Variants in CACNB2 observed in about 807,000 individuals in gnomAD.
CACNB2 encodes the protein voltage-dependent L-type calcium channel subunit beta-2.
In CACNB2, 42 loss-of-function variants were observed where a neutral mutation model predicts 73.3. That is an observed-to-expected ratio of 0.57 (90% CI 0.45 to 0.74). CACNB2 has a LOEUF of 0.74. Ranked by LOEUF, CACNB2 falls within the 30% of genes least tolerant of loss-of-function variation. The probability of loss-of-function intolerance (pLI) is 0.00; values close to 1 mark genes in which losing one functional copy is unlikely to be tolerated. For missense variants in CACNB2, 940 were observed against 853.0 expected, an observed-to-expected ratio of 1.10 and a Z score of -1.27; for synonymous variants, 348 against 310.3, an observed-to-expected ratio of 1.12 and a Z score of -1.28.
intron 2 of CACNB2, among the ~76,000 whole-genome samples, chr10:18,171,521 GAAAAAAAAAAAAAAA>G (rs370201485): frequency 0.057 from 1,867 of 32,624 alleles, 110 homozygotes; most frequent in African/African-American, 0.18. Context: ...TTTGATAGCA[GAAAAAAAAAAAAAAA>G]AAAAAAAAAA....
intron 3 of CACNB2, among the ~76,000 whole-genome samples, chr10:18,485,582 G>A (rs1475293930): frequency 1.3e-4 from 17 of 127,956 alleles, no homozygotes; most frequent in African/African-American, 5.1e-4. Context: ...TTTTTTCTGA[G>A]ATGGAGCCTC....
At chr10:18,404,972 C>T (rs560989460) in intron 3 of CACNB2, among the ~76,000 whole-genome samples, 1 of 152,202 alleles carries the variant, frequency 6.6e-6, no homozygotes, top group Non-Finnish European at 1.5e-5. Flanking sequence ...TTTCTGGTTC[C>T]AAATGTGTGT....
At chr10:18,216,133 TAAAA>T (rs5783587) in intron 2 of CACNB2, among the ~76,000 whole-genome samples, 3 of 144,764 alleles carry the variant, frequency 2.1e-5, no homozygotes, top group Non-Finnish European at 4.5e-5. Context: ...CCGTCTCAAC[TAAAA>T]AAAAAAAAAA....
At chr10:18,218,548 T>C (rs1294547294) in intron 2 of CACNB2, among the ~76,000 whole-genome samples, 2 of 152,216 alleles carry the variant, frequency 1.3e-5, no homozygotes, top group Non-Finnish European at 2.9e-5. Context: ...TGTGTGCATG[T>C]AGGTACCTTA....
At position 18,456,655 on chromosome 10, in the gene CACNB2, C is replaced by T. The variant is rs562072734; in HGVS notation, c.334-41700C>T. 2.6e-5 allele frequency among the ~76,000 whole-genome samples: 4 copies of T among 152,204 alleles called. No individual in the cohort carries two copies. The East Asian group carries it at 7.7e-4, about 29-fold the overall frequency. ...CACAGATCCAAACTGTATCACTTTC[C>T]ATTCCTCCAGGCCTAGCAACCACTA... On this transcript the variant is annotated intron_variant, in intron 3 of 13. Transcript: ENST00000324631.
chr10:18,391,048 A>C (rs1303544012), intron 2 of CACNB2, among the ~76,000 whole-genome samples: 1 of 152,256 alleles, frequency 6.6e-6, no homozygotes, highest in African/African-American at 2.4e-5. Context: ...AGTCTCTCTT[A>C]GATTCACTGG....
At chr10:18,378,262 A>G (rs190369620) in intron 2 of CACNB2, among the ~76,000 whole-genome samples, 1 of 152,296 alleles carries the variant, frequency 6.6e-6, no homozygotes, top group Non-Finnish European at 1.5e-5. Flanking sequence ...ATTTGGTGAT[A>G]TGTCAACATT....
chr10:18,443,578 A>G (rs192489602), intron 3 of CACNB2, among the ~76,000 whole-genome samples: 18 of 152,250 alleles, frequency 1.2e-4, no homozygotes, highest in Admixed American at 8.5e-4. Context: ...AAGTAATTTG[A>G]GCAAATATTG....
intron 3 of CACNB2, among the ~76,000 whole-genome samples, chr10:18,433,150 A>G (rs1336068028): frequency 6.6e-6 from 1 of 151,812 alleles, no homozygotes; most frequent in African/African-American, 2.4e-5. Context: ...TATATTTGAA[A>G]TCCTATTAAG....
intron 3 of CACNB2, among the ~76,000 whole-genome samples, chr10:18,405,703 A>G (rs1346849832): frequency 6.6e-6 from 1 of 152,182 alleles, no homozygotes; most frequent in East Asian, 1.9e-4. Flanking sequence ...CATGCCTGTA[A>G]TCCCAGCAAT....
At chr10:18,480,636 A>C (rs866579314) in intron 3 of CACNB2, among the ~76,000 whole-genome samples, 11 of 152,238 alleles carry the variant, frequency 7.2e-5, no homozygotes, top group African/African-American at 2.4e-4. Flanking sequence ...TAAGTCTACC[A>C]AGTGTAGCTA....
At chr10:18,143,173 C>T (rs190724739) in intron 1 of CACNB2, among the ~76,000 whole-genome samples, 30 of 152,232 alleles carry the variant, frequency 2.0e-4, no homozygotes, top group Admixed American at 1.5e-3. Context: ...GTGTATTGAG[C>T]GACAGGGAAC....
intron 2 of CACNB2, among the ~76,000 whole-genome samples, chr10:18,177,670 G>A (rs550978650): frequency 1.1e-4 from 17 of 152,126 alleles, no homozygotes; most frequent in Non-Finnish European, 1.8e-4. Flanking sequence ...TGAGGCAAGC[G>A]GCTCCATCTT....
At chr10:18,480,370 G>C (rs1271403016) in intron 3 of CACNB2, among the ~76,000 whole-genome samples, 3 of 152,078 alleles carry the variant, frequency 2.0e-5, no homozygotes. Context: ...TCCAGAATAA[G>C]ACAAGCCCGT....
At chr10:18,302,027 A>G (rs1029293142) in intron 2 of CACNB2, among the ~76,000 whole-genome samples, 3 of 152,120 alleles carry the variant, frequency 2.0e-5, no homozygotes, top group Non-Finnish European at 2.9e-5. Flanking sequence ...TATGCATTCT[A>G]TAAAAGTAAA....
At chr10:18,248,891 T>A (rs2036975800) in intron 2 of CACNB2, among the ~76,000 whole-genome samples, 1 of 152,172 alleles carries the variant, frequency 6.6e-6, no homozygotes, top group Non-Finnish European at 1.5e-5. Flanking sequence ...TCATTCACTC[T>A]GCCCTTGAAT....
rs995079240 is a variant in CACNB2, at chr10:18,514,111, G to T, written c.671-125G>T. 41 of 926,390 alleles carry T rather than the reference G, an allele frequency of 4.4e-5. No homozygotes were observed. The East Asian group carries it at 7.8e-4, about 18-fold the overall frequency. 57.4% of individuals were successfully genotyped at this position (926,390 alleles called of 1,614,324 possible). Reference sequence around the variant, plus strand: ...TTACCTTTAAATTTAATTTTCTTGCGTACTGTGTTGAGCACTCATGATAGT... The same window carrying T: ...TTACCTTTAAATTTAATTTTCTTGCTTACTGTGTTGAGCACTCATGATAGT... On this transcript the variant is annotated intron_variant, in intron 6 of 13. Coordinates refer to ENST00000324631, the MANE Select transcript of CACNB2 (RefSeq NM_201596.3).
intron 3 of CACNB2, among the ~76,000 whole-genome samples, chr10:18,480,040 A>C (rs1385095344): frequency 6.6e-6 from 1 of 152,212 alleles, no homozygotes; most frequent in African/African-American, 2.4e-5. Flanking sequence ...ATTTGTCCTC[A>C]AAGGAAAGCG....
chr10:18,455,644 T>C (rs2047241113), intron 3 of CACNB2, among the ~76,000 whole-genome samples: 1 of 152,224 alleles, frequency 6.6e-6, no homozygotes, highest in African/African-American at 2.4e-5. Flanking sequence ...CTCAACACTT[T>C]TCACTTGCTT....
Sources: gnomAD v4.1 joint callset for allele counts (sites outside exome capture counted in the v4.1 genomes callset) on GRCh38, gnomAD v4.1.1 for gene constraint, MANE v1.5 for transcripts, NCBI Gene and HGNC (gene_info 2026-07-23, HGNC 2026-07-21) for gene names.